KIF24: variants seen among roughly 807,000 people sequenced by gnomAD.
The protein encoded by KIF24 is kinesin family member 24.
A neutral mutation model predicts 118.9 loss-of-function variants in KIF24; 81 were observed. The observed-to-expected ratio is 0.68, with a 90% CI of 0.57 to 0.82. KIF24 has a LOEUF of 0.82. Ranked by LOEUF, KIF24 falls within the 40% of genes least tolerant of loss-of-function variation. The probability of loss-of-function intolerance (pLI) is 0.00; values close to 1 mark genes in which losing one functional copy is unlikely to be tolerated. For missense variants in KIF24, 1,560 were observed against 1,661.6 expected (o/e 0.94, Z 1.06); for synonymous variants, 599 against 610.0 (o/e 0.98, Z 0.27).
chr9:34,315,165 TA>T (rs1401878620), intron 1 of KIF24, among the ~76,000 whole-genome samples: 28 of 152,308 alleles, frequency 1.8e-4, no homozygotes, highest in African/African-American at 6.3e-4. Context: ...TAAAACAGTT[TA>T]TTTTTTAAAT....
At chr9:34,314,537 A>T (rs1352152672) in intron 1 of KIF24, among the ~76,000 whole-genome samples, 1 of 152,208 alleles carries the variant, frequency 6.6e-6, no homozygotes, top group Non-Finnish European at 1.5e-5. Flanking sequence ...AAAAACAACA[A>T]GAAATAACTC....
Position 34,256,401 on chromosome 9 carries a change from T to C in KIF24, c.3206A>G (p.Glu1069Gly), listed in dbSNP as rs1452649523. ...CGTAGCCCCATCCTGGACCAGCTGCTCCGAGGGAGGAGACCCTTCGTTGTC... is the reference window on the plus strand; with the variant it reads ...CGTAGCCCCATCCTGGACCAGCTGCCCCGAGGGAGGAGACCCTTCGTTGTC... ...NPDNEGSPPSEQLVQDGATHS... is the reference protein window; with the variant it reads ...NPDNEGSPPSGQLVQDGATHS... The change falls in exon 11 of 13, where the codon GAG becomes GGG. Residue 1069 changes from glutamate (E) to glycine (G), a missense_variant. Coordinates refer to ENST00000402558, the MANE Select transcript of KIF24 (RefSeq NM_194313.4). The C allele has an allele frequency of 1.1e-5, 18 of 1,613,886 alleles. No homozygotes were observed. The highest frequency in any genetic ancestry group is 1.4e-5 in the Non-Finnish European group (17 of 1,179,886).
chr9:34,319,015 G>A, intron 1 of KIF24: 1 of 1,228,738 alleles, frequency 8.1e-7, no homozygotes, highest in African/African-American at 1.5e-5. Flanking sequence ...TCAACACCAT[G>A]TTCTTCAAGC....
At chr9:34,306,212 T>G (rs770416768) in intron 3 of KIF24, 40 bp downstream of exon 3, 3 of 1,347,618 alleles carry the variant, frequency 2.2e-6, no homozygotes, top group East Asian at 4.7e-5. Context: ...ATGACATACT[T>G]GATAATATTA....
At chr9:34,311,725 C>CATATAT in intron 1 of KIF24, among the ~76,000 whole-genome samples, 1 of 133,948 alleles carries the variant, frequency 7.5e-6, no homozygotes, top group South Asian at 2.3e-4. Flanking sequence ...TATGTATATA[C>CATATAT]ACGTATATAT....
In KIF24 at chr9:34,290,320, A is replaced by T. The variant is rs1836207320; in HGVS notation, c.981T>A (p.His327Gln). Residue 327 changes from histidine (H) to glutamine (Q), a missense_variant, in exon 5 of 13, where the codon CAT becomes CAA. This residue lies in a region of KIF24 where 964 missense variants were observed against 988.0 expected (regional missense o/e 0.98). Transcript: ENST00000402558. ...CTAGAGCATACAATCCTGGGTTCTC[A>T]TGAGTTCCTATCATGGTGTAGGTCT... is the stretch of plus-strand genomic sequence containing the variant. ...AGKTYTMIGT[H>Q]ENPGLYALAA... 1 of 1,613,802 alleles carries T rather than the reference A, an allele frequency of 6.2e-7. No homozygotes were observed.
At chr9:34,266,624 G>C (rs959187318) in intron 8 of KIF24, among the ~76,000 whole-genome samples, 1 of 150,390 alleles carries the variant, frequency 6.6e-6, no homozygotes, top group Non-Finnish European at 1.5e-5. Flanking sequence ...GTTGCAGTGA[G>C]CCAAGATTGT....
chr9:34,331,078 G>A (rs1048250560), upstream of KIF24, among the ~76,000 whole-genome samples: 2 of 152,076 alleles, frequency 1.3e-5, no homozygotes, highest in Non-Finnish European at 2.9e-5. Context: ...TCAGTTAAGG[G>A]AAAAAAGGTA....
chr9:34,256,220 A>G lies in KIF24; in HGVS notation c.3387T>C (p.Ala1129=). 6.2e-7 allele frequency: 1 copy of G among 1,603,448 alleles called. No individual in the cohort carries two copies. The highest frequency in any genetic ancestry group is 2.2e-5 in the East Asian group (1 of 44,770). Residue 1129 remains alanine (A), a synonymous_variant, in exon 11 of 13, where the codon GCT becomes GCC. Coordinates refer to ENST00000402558, the MANE Select transcript of KIF24 (RefSeq NM_194313.4). The part of the protein sequence containing the change: ...PDNKPGGDLP[A]LSPSPIRQHP... The stretch of plus-strand genomic sequence containing the variant: ...GCTGACGGATGGGTGATGGGGACAG[A>G]GCTGGAAGATCACCACCAGGCTTAT...
Position 34,254,441 on chromosome 9 carries a change from A to G in KIF24, c.4046T>C (p.Leu1349Pro). The change falls in exon 13 of 13, where the codon CTG becomes CCG. Residue 1349 changes from leucine to proline, a missense_variant. Leu to Pro is a moderately conservative substitution (Grantham distance 98). This residue lies in a region of KIF24 where 591 missense variants were observed against 655.6 expected (regional missense o/e 0.90). Coordinates refer to ENST00000402558, the MANE Select transcript of KIF24 (RefSeq NM_194313.4). ...CCCGTGGCAGGTGAGATAGAGCTGC[A>G]GCTGGCTCCTCAGACTCTGGATACA... ...SKCIQSLRSQLQLYLTCHGPT... is the reference protein window; with the variant it reads ...SKCIQSLRSQPQLYLTCHGPT... 1 of 1,613,984 alleles carries G rather than the reference A, an allele frequency of 6.2e-7. No individual in the cohort carries two copies.
upstream of KIF24, chr9:34,329,428 C>G (rs972353522): frequency 6.6e-6 from 1 of 152,278 alleles, no homozygotes; most frequent in African/African-American, 2.4e-5. Flanking sequence ...CCAATCGTTC[C>G]GCTTGAGGGA....
At chr9:34,258,920 C>T (rs2131669297) in intron 10 of KIF24, among the ~76,000 whole-genome samples, 1 of 152,320 alleles carries the variant, frequency 6.6e-6, no homozygotes, top group East Asian at 1.9e-4. Flanking sequence ...GCATCCTTGG[C>T]CTCTGCTCAC....
At position 34,290,203 on chromosome 9, in the gene KIF24, C is replaced by T; in HGVS notation, c.1098G>A (p.Gln366=). The T allele has an allele frequency of 6.2e-7, 1 of 1,613,760 alleles. No homozygotes were observed. Among genetic ancestry groups the T allele is most frequent in the Non-Finnish European group, 8.5e-7 (1 of 1,179,698 alleles). ...WISFYEIYCG[Q]LYDLLNRRKR... ...TTCTTCTATTTAGGAGGTCATAAAGCTGTCCACAGTAAATTTCATAGAAGC... is the reference window on the plus strand; with the variant it reads ...TTCTTCTATTTAGGAGGTCATAAAGTTGTCCACAGTAAATTTCATAGAAGC... The change falls in exon 5 of 13, where the codon CAG becomes CAA. Residue 366 remains glutamine, a synonymous_variant. Transcript: ENST00000402558.
At chr9:34,307,965 CAAGAA>C (rs1377983026) in intron 2 of KIF24, among the ~76,000 whole-genome samples, 3 of 151,248 alleles carry the variant, frequency 2.0e-5, no homozygotes, top group South Asian at 2.1e-4. Flanking sequence ...TGATTTTTCA[CAAGAA>C]AAGGGAATTT....
chr9:34,290,362 T>C lies in KIF24; in HGVS notation c.939A>G (p.Gly313=). 6.2e-7 allele frequency: 1 copy of C among 1,610,548 alleles called. No individual in the cohort carries two copies. The highest frequency in any genetic ancestry group is 8.5e-7 in the Non-Finnish European group (1 of 1,177,336). ...TGTAGGTCTTTCCAGCACCTGTCTG[T>C]CCATAAGCAAAGCAAGTGGCATTGC... is the stretch of plus-strand genomic sequence containing the variant. ...NGGNATCFAY[G]QTGAGKTYTM... The change falls in exon 5 of 13, where the codon GGA becomes GGG. Residue 313 remains glycine (G), a synonymous_variant. Transcript: ENST00000402558.
chr9:34,270,832 C>T (rs575295542), intron 7 of KIF24, among the ~76,000 whole-genome samples: 3 of 145,648 alleles, frequency 2.1e-5, no homozygotes, highest in South Asian at 2.2e-4. Context: ...CCTAGGAGTT[C>T]GAGACCAGCC....
Position 34,257,736 on chromosome 9 carries a change from G to A in KIF24, c.1871C>T (p.Pro624Leu). 1 of 1,614,010 alleles carries A rather than the reference G, an allele frequency of 6.2e-7. No homozygotes were observed. The highest frequency in any genetic ancestry group is 8.5e-7 in the Non-Finnish European group (1 of 1,179,888). Residue 624 changes from proline (P) to leucine (L), a missense_variant, in exon 11 of 13, where the codon CCT becomes CTT. Physicochemically the swap from Pro to Leu is moderately conservative, Grantham distance 98. Transcript: ENST00000402558. ...HPPNIPFTSA[P>L]KVSGKRGGSR... is the part of the protein sequence containing the mutation. Reference sequence around the variant, plus strand: ...GCCACCCCTTTTACCAGAGACCTTAGGTGCAGAAGTAAAAGGAATGTTGGG... The same window carrying A: ...GCCACCCCTTTTACCAGAGACCTTAAGTGCAGAAGTAAAAGGAATGTTGGG...
intron 6 of KIF24, among the ~76,000 whole-genome samples, chr9:34,275,612 G>A (rs561918849): frequency 1.1e-3 from 174 of 152,204 alleles, no homozygotes; most frequent in African/African-American, 4.0e-3. Flanking sequence ...AGGCCAAGGC[G>A]GGTGGATCAC....
chr9:34,265,138 T>A (rs1835239295), intron 8 of KIF24, among the ~76,000 whole-genome samples: 1 of 152,136 alleles, frequency 6.6e-6, no homozygotes. Flanking sequence ...ATTTTACAAT[T>A]TTTACTTTAA....
Sources: allele counts gnomAD v4.1 joint callset (sites outside exome capture counted in the v4.1 genomes callset), GRCh38; gene constraint gnomAD v4.1.1; regional missense constraint gnomAD v4.1.1; transcripts MANE v1.5; gene names NCBI Gene and HGNC (gene_info 2026-07-23, HGNC 2026-07-21).